The following COL24A1 variants were observed in gnomAD, a reference collection of about 807,000 sequenced individuals.
COL24A1 encodes collagen type XXIV alpha 1 chain.
In COL24A1, 224 loss-of-function variants were observed where a neutral mutation model predicts 253.9. That is an observed-to-expected ratio of 0.88 (90% CI 0.79 to 0.99). The LOEUF is 0.99. Ranked by LOEUF, COL24A1 falls within the 50% of genes least tolerant of loss-of-function variation. The probability of loss-of-function intolerance (pLI) is 0.00; values close to 1 mark genes in which losing one functional copy is unlikely to be tolerated. For synonymous variants in COL24A1, 685 were observed against 673.7 expected (o/e 1.02, Z -0.26); for missense variants, 2,131 against 2,068.5 (o/e 1.03, Z -0.59).
intron 43 of COL24A1, among the ~76,000 whole-genome samples, chr1:85,836,021 G>A (rs781138169): frequency 3.3e-5 from 5 of 152,114 alleles, no homozygotes; most frequent in South Asian, 2.1e-4. Context: ...CTCCAAAAAC[G>A]AAGGGACACA....
intron 28 of COL24A1, among the ~76,000 whole-genome samples, chr1:85,906,575 CT>C (rs1223856443): frequency 1.3e-5 from 2 of 151,670 alleles, no homozygotes; most frequent in African/African-American, 4.8e-5. Context: ...TAATATTTTT[CT>C]CTCTCTAGTG....
intron 48 of COL24A1, among the ~76,000 whole-genome samples, chr1:85,785,989 T>C (rs17128317): frequency 0.066 from 9,996 of 152,188 alleles, 938 homozygotes; most frequent in African/African-American, 0.2. Flanking sequence ...AGGTTCAGAG[T>C]CAGAAGAAAA....
intron 47 of COL24A1, among the ~76,000 whole-genome samples, chr1:85,807,829 G>T (rs1672141087): frequency 6.6e-6 from 1 of 152,144 alleles, no homozygotes; most frequent in Non-Finnish European, 1.5e-5. Flanking sequence ...ACTGAACACT[G>T]GGAAAAGACA....
chr1:85,823,770 A>G, intron 43 of COL24A1, 32 bp from the exon 44 acceptor site: 1 of 1,591,530 alleles, frequency 6.3e-7, no homozygotes, highest in Non-Finnish European at 8.6e-7. Flanking sequence ...TTATTAGAGT[A>G]AGTAGAGACA....
chr1:85,845,930 T>C (rs1474020725), intron 39 of COL24A1, among the ~76,000 whole-genome samples: 1 of 151,898 alleles, frequency 6.6e-6, no homozygotes, highest in Non-Finnish European at 1.5e-5. Flanking sequence ...GAGGAAATCA[T>C]AGCAAGAGTC....
Position 85,907,191 on chromosome 1 carries a change from TACTC to T in COL24A1, c.2777_2778+2del. On this transcript the variant is annotated splice_donor_variant and coding_sequence_variant, in exon 28 of 60. Transcript: ENST00000370571. LOFTEE classifies it high-confidence loss of function. ...AATGTACTTTTTTCCTTAGATTACT[TACTC>T]TTTGTCCTTTAGGACCTTGACTCCC... 1 of 1,610,282 alleles carries T rather than the reference TACTC, an allele frequency of 6.2e-7. No homozygotes were observed. The highest frequency in any genetic ancestry group is 8.5e-7 in the Non-Finnish European group (1 of 1,177,210).
chr1:85,801,441 T>G (rs1451982161), intron 47 of COL24A1, among the ~76,000 whole-genome samples: 1 of 152,242 alleles, frequency 6.6e-6, no homozygotes, highest in Non-Finnish European at 1.5e-5. Context: ...TCCCATTTCC[T>G]TCTGTCTTTG....
intron 24 of COL24A1, among the ~76,000 whole-genome samples, chr1:85,944,602 T>TTA (rs1553236717): frequency 6.6e-6 from 1 of 151,918 alleles, no homozygotes; most frequent in Non-Finnish European, 1.5e-5. Context: ...CTCTTTTTTT[T>TTA]TTATTATTAT....
chr1:86,156,413 G>A lies in COL24A1; in HGVS notation c.-17C>T, dbSNP rs779374897. ...TAAATGCATTTGTATGCATTTGTCCGTGCAGCAAAGCGCTAACGGAAAACA... is the reference window on the plus strand; with the variant it reads ...TAAATGCATTTGTATGCATTTGTCCATGCAGCAAAGCGCTAACGGAAAACA... On this transcript the variant is annotated 5_prime_UTR_variant, in exon 1 of 60. The change creates a new upstream start codon in the 5' untranslated region. Coordinates refer to ENST00000370571, the MANE Select transcript of COL24A1 (RefSeq NM_152890.7). 1.9e-6 allele frequency: 3 copies of A among 1,608,046 alleles called. No homozygotes were observed. The African/African-American group carries it at 4.0e-5, about 22-fold the overall frequency.
chr1:86,138,454 G>T (rs1650575421), intron 2 of COL24A1, among the ~76,000 whole-genome samples: 1 of 152,066 alleles, frequency 6.6e-6, no homozygotes, highest in African/African-American at 2.4e-5. Flanking sequence ...GTTGTGGGAG[G>T]GACCTGGTGG....
chr1:85,785,222 G>C (rs895348383), intron 48 of COL24A1, among the ~76,000 whole-genome samples: 1 of 152,060 alleles, frequency 6.6e-6, no homozygotes, highest in Non-Finnish European at 1.5e-5. Context: ...GATATGAACT[G>C]TCTTTATCCC....
At chr1:86,019,844 G>T (rs1400356648) in intron 18 of COL24A1, among the ~76,000 whole-genome samples, 1 of 150,932 alleles carries the variant, frequency 6.6e-6, no homozygotes, top group Non-Finnish European at 1.5e-5. Flanking sequence ...TGCCCTAAAA[G>T]AACATCATTA....
Position 86,125,728 on chromosome 1 carries a change from A to AAC in COL24A1, c.606_607dup (p.Phe203CysfsTer4). 6.2e-7 allele frequency: 1 copy of AAC among 1,610,672 alleles called. No individual in the cohort carries two copies. Among genetic ancestry groups the AAC allele is most frequent in the Non-Finnish European group, 8.5e-7 (1 of 1,178,286 alleles). Reference sequence around the variant, plus strand: ...ATTATTATTCATACTTCCTAAAGTAAACACACTATTAGAATCAAAGGTCTG... The same window carrying AAC: ...ATTATTATTCATACTTCCTAAAGTAAACACACACTATTAGAATCAAAGGTCTG... On this transcript the variant is annotated frameshift_variant, in exon 3 of 60. Coordinates refer to ENST00000370571, the MANE Select transcript of COL24A1 (RefSeq NM_152890.7). LOFTEE classifies it high-confidence loss of function.
intron 12 of COL24A1, among the ~76,000 whole-genome samples, chr1:86,040,925 T>G (rs1221270948): frequency 6.6e-6 from 1 of 152,170 alleles, no homozygotes; most frequent in Non-Finnish European, 1.5e-5. Flanking sequence ...AATGTATGTA[T>G]CTGAGATGCT....
At chr1:85,965,363 T>A (rs1278928560) in intron 22 of COL24A1, among the ~76,000 whole-genome samples, 1 of 151,926 alleles carries the variant, frequency 6.6e-6, no homozygotes, top group Non-Finnish European at 1.5e-5. Flanking sequence ...AAATATATAG[T>A]ATGTTAGGCA....
intron 58 of COL24A1, among the ~76,000 whole-genome samples, chr1:85,737,092 C>T (rs971600899): frequency 7.9e-5 from 12 of 151,872 alleles, no homozygotes; most frequent in African/African-American, 1.2e-4. Flanking sequence ...TAAGAAATTT[C>T]TAATGTGTGT....
At chr1:85,891,934 A>G (rs1234264740) in intron 31 of COL24A1, among the ~76,000 whole-genome samples, 2 of 152,210 alleles carry the variant, frequency 1.3e-5, no homozygotes, top group Non-Finnish European at 2.9e-5. Flanking sequence ...AAGGCTTTTC[A>G]GAACTCCCTT....
In COL24A1 at chr1:85,775,819, A is replaced by G. The variant is rs1216923666; in HGVS notation, c.4339-110T>C. 3.6e-6 allele frequency: 3 copies of G among 823,076 alleles called. No homozygotes were observed. In the African/African-American group the frequency reaches 5.2e-5, roughly 14 times the overall value. The allele number at this position is 823,076 out of a possible 1,614,324, so 51.0% of individuals were successfully genotyped here. A position where few individuals can be genotyped will look rare whatever the true frequency, so the allele number is the denominator to read the frequency against. ...GACAATTTATATTTTTGCTTTTTCT[A>G]TATAGTAAGACCTGTTTTGTTAAAT... On this transcript the variant is annotated intron_variant, in intron 52 of 59. Transcript: ENST00000370571.
chr1:86,030,558 C>G (rs1298693261), intron 14 of COL24A1: 1 of 152,194 alleles, frequency 6.6e-6, no homozygotes, highest in African/African-American at 2.4e-5. Context: ...ACTCTAGTAT[C>G]TTTGGTCATC....
Sources: gnomAD v4.1 joint callset for allele counts (sites outside exome capture counted in the v4.1 genomes callset) on GRCh38, gnomAD v4.1.1 for gene constraint, MANE v1.5 for transcripts, NCBI Gene and HGNC (gene_info 2026-07-23, HGNC 2026-07-21) for gene names.